FER: variants seen among roughly 807,000 people sequenced by gnomAD.
The protein encoded by FER is tyrosine-protein kinase Fer.
Under a neutral mutation model 111.0 loss-of-function variants are expected in FER, and 63 were observed. That is an observed-to-expected ratio of 0.57 (90% CI 0.46 to 0.70). FER has a LOEUF of 0.70. FER is among the 30% of genes least tolerant of loss of function. The pLI, the probability that FER is intolerant of heterozygous loss-of-function variation, is 0.00. For synonymous variants in FER, 327 were observed against 313.9 expected (o/e 1.04, Z -0.44); for missense variants, 914 against 954.0 (o/e 0.96, Z 0.55).
chr5:109,127,436 G>A (rs1054944307), intron 17 of FER, among the ~76,000 whole-genome samples: 4 of 151,708 alleles, frequency 2.6e-5, no homozygotes, highest in African/African-American at 4.8e-5. Flanking sequence ...ACAGAGTCTC[G>A]CTCTGTTGCC....
intron 10 of FER, among the ~76,000 whole-genome samples, chr5:108,934,658 A>C (rs2149592183): frequency 6.6e-6 from 1 of 152,282 alleles, no homozygotes; most frequent in African/African-American, 2.4e-5. Context: ...ATAAAAAGTT[A>C]GCTAGTTTTC....
intron 5 of FER, 46 bp from the exon 6 acceptor site, chr5:108,867,721 T>C: frequency 6.5e-7 from 1 of 1,547,290 alleles, no homozygotes; most frequent in East Asian, 2.3e-5. Context: ...ATACAATTTT[T>C]TTTCTTATCT....
At chr5:109,155,275 C>A (rs1282411988) in intron 17 of FER, among the ~76,000 whole-genome samples, 1 of 151,816 alleles carries the variant, frequency 6.6e-6, no homozygotes, top group Non-Finnish European at 1.5e-5. Context: ...CTAGCATAAG[C>A]AGGTTTCAAA....
At chr5:108,774,040 T>A (rs1173358303) in intron 2 of FER, among the ~76,000 whole-genome samples, 1 of 151,610 alleles carries the variant, frequency 6.6e-6, no homozygotes, top group African/African-American at 2.4e-5. Flanking sequence ...ATCCTGTAAG[T>A]TCCCTCCCCT....
chr5:109,067,274 TGC>T lies in FER; in HGVS notation c.1924+20077_1924+20078del, dbSNP rs1422238314. Among the ~76,000 whole-genome samples the T allele has an allele frequency of 9.3e-3, 1,415 of 151,936 alleles. 16 individuals are homozygous for T. The highest frequency in any genetic ancestry group is 0.032 in the African/African-American group (1,341 of 41,374). ...TTGTTGTTGTTGTTGCTGTTGCTGC[TGC>T]TGCTGCTGTTTTTAATTTTCAGAGA... On this transcript the variant is annotated intron_variant, in intron 16 of 19. Coordinates refer to ENST00000281092, the MANE Select transcript of FER (RefSeq NM_005246.4).
At chr5:109,061,600 ATGTC>A (rs1301683480) in intron 16 of FER, among the ~76,000 whole-genome samples, 2 of 152,150 alleles carry the variant, frequency 1.3e-5, no homozygotes, top group Non-Finnish European at 2.9e-5. Flanking sequence ...TTCAAGCAAA[ATGTC>A]TGTGCAAGAT....
intron 16 of FER, among the ~76,000 whole-genome samples, chr5:109,065,928 T>C (rs1181383716): frequency 1.3e-5 from 2 of 152,196 alleles, no homozygotes; most frequent in Admixed American, 1.3e-4. Context: ...TAAATTTGCC[T>C]AAATTATTCT....
chr5:108,867,736 A>G, intron 5 of FER, 31 bp from the exon 6 acceptor site: 3 of 1,581,714 alleles, frequency 1.9e-6, no homozygotes, highest in Non-Finnish European at 1.7e-6. Context: ...TTATCTCTTT[A>G]CTAACTTTCT....
intron 12 of FER, among the ~76,000 whole-genome samples, chr5:108,955,577 A>G (rs1758322918): frequency 1.3e-5 from 2 of 151,858 alleles, no homozygotes; most frequent in East Asian, 3.8e-4. Flanking sequence ...CCTTAAACAG[A>G]TGAAGAGTAA....
intron 13 of FER, among the ~76,000 whole-genome samples, chr5:108,999,705 CTA>C (rs1356039431): frequency 1.4e-5 from 1 of 71,892 alleles, no homozygotes; most frequent in Non-Finnish European, 3.2e-5. Context: ...ACCATTCTTA[CTA>C]TTTTTTTTTT....
intron 17 of FER, among the ~76,000 whole-genome samples, chr5:109,123,082 T>A (rs548057315): frequency 1.3e-5 from 2 of 152,014 alleles, no homozygotes; most frequent in Non-Finnish European, 1.5e-5. Context: ...TATTGTTAAG[T>A]AAGGACTTAC....
chr5:108,777,271 T>C (rs113643233), intron 2 of FER, among the ~76,000 whole-genome samples: 206 of 152,344 alleles, frequency 1.4e-3, no homozygotes, highest in African/African-American at 4.4e-3. Context: ...TATTTTTATG[T>C]AATAGAATTT....
intron 8 of FER, among the ~76,000 whole-genome samples, chr5:108,874,103 C>T (rs1764866957): frequency 6.6e-6 from 1 of 152,062 alleles, no homozygotes. Context: ...AGGGTTAATG[C>T]CTTCAAGGAC....
intron 8 of FER, among the ~76,000 whole-genome samples, chr5:108,873,371 C>T (rs1231796009): frequency 6.6e-6 from 1 of 152,134 alleles, no homozygotes; most frequent in Non-Finnish European, 1.5e-5. Context: ...TCTCAAATTC[C>T]TGACTTCAAG....
intron 17 of FER, among the ~76,000 whole-genome samples, chr5:109,103,294 GT>G (rs2150071692): frequency 6.6e-6 from 1 of 152,168 alleles, no homozygotes; most frequent in Admixed American, 6.5e-5. Flanking sequence ...CTGACGGGAG[GT>G]CACTAGAACT....
At chr5:109,122,361 G>A (rs548209868) in intron 17 of FER, among the ~76,000 whole-genome samples, 50 of 151,816 alleles carry the variant, frequency 3.3e-4, no homozygotes, top group Non-Finnish European at 5.3e-4. Context: ...TTTAATTTCC[G>A]TGTGTTTGTA....
intron 16 of FER, among the ~76,000 whole-genome samples, chr5:109,063,423 C>T (rs1344372629): frequency 1.3e-5 from 2 of 152,122 alleles, no homozygotes; most frequent in Non-Finnish European, 2.9e-5. Flanking sequence ...TAGATACTTG[C>T]CTGGCATTTG....
intron 5 of FER, among the ~76,000 whole-genome samples, chr5:108,860,477 A>C (rs1390332180): frequency 6.6e-6 from 1 of 152,364 alleles, no homozygotes; most frequent in East Asian, 1.9e-4. Flanking sequence ...CTGCACATCT[A>C]ATCAAAGGAA....
At chr5:108,907,622 T>A (rs1750977421) in intron 10 of FER, among the ~76,000 whole-genome samples, 1 of 152,066 alleles carries the variant, frequency 6.6e-6, no homozygotes, top group Non-Finnish European at 1.5e-5. Context: ...AAGTATCTAG[T>A]GCCATGGATG....
Sources: allele counts gnomAD v4.1 joint callset (sites outside exome capture counted in the v4.1 genomes callset), GRCh38; gene constraint gnomAD v4.1.1; transcripts MANE v1.5; gene names NCBI Gene and HGNC (gene_info 2026-07-23, HGNC 2026-07-21).